Variants in RUNX2 observed in about 807,000 individuals in gnomAD.
RUNX2 encodes RUNX family transcription factor 2, also known as runt-related transcription factor 2.
A neutral mutation model predicts 51.7 loss-of-function variants in RUNX2; 10 were observed. The ratio of observed to expected loss-of-function variants is 0.19; its 90% confidence interval spans 0.12 to 0.33. The LOEUF (loss-of-function observed/expected upper bound fraction) is 0.33. Ranked by LOEUF, RUNX2 falls within the 10% of genes least tolerant of loss-of-function variation. The pLI, the probability that RUNX2 is intolerant of heterozygous loss-of-function variation, is 1.00. For synonymous variants in RUNX2, 276 were observed against 273.6 expected (o/e 1.01, Z -0.09); for missense variants, 562 against 691.3 (o/e 0.81, Z 2.10).
chr6:45,498,797 A>T (rs897187289), intron 6 of RUNX2, among the ~76,000 whole-genome samples: 19 of 152,172 alleles, frequency 1.2e-4, no homozygotes, highest in Admixed American at 7.2e-4. Context: ...CTGTCCTAGG[A>T]TTCTAGTGCT....
intron 2 of RUNX2, among the ~76,000 whole-genome samples, chr6:45,370,921 A>C (rs1306606959): frequency 3.3e-5 from 5 of 152,160 alleles, no homozygotes; most frequent in Non-Finnish European, 7.3e-5. Flanking sequence ...GAGTTTAAAA[A>C]AAAAATTTCT....
At chr6:45,433,376 A>G (rs1335894189) in intron 4 of RUNX2, among the ~76,000 whole-genome samples, 1 of 152,192 alleles carries the variant, frequency 6.6e-6, no homozygotes, top group Non-Finnish European at 1.5e-5. Context: ...TTACTTATGC[A>G]GGTCCACTAT....
chr6:45,539,854 A>G (rs1802162289), intron 7 of RUNX2, among the ~76,000 whole-genome samples: 1 of 152,238 alleles, frequency 6.6e-6, no homozygotes, highest in African/African-American at 2.4e-5. Flanking sequence ...TTAGTTGGAA[A>G]ATGAAAATTC....
chr6:45,398,783 T>G (rs1320358556), intron 2 of RUNX2, among the ~76,000 whole-genome samples: 3 of 152,248 alleles, frequency 2.0e-5, no homozygotes, highest in Non-Finnish European at 4.4e-5. Flanking sequence ...TGGCATGTGC[T>G]CTAATACAAC....
chr6:45,365,715 A>C (rs1795020315), intron 2 of RUNX2, among the ~76,000 whole-genome samples: 3 of 149,848 alleles, frequency 2.0e-5, no homozygotes, highest in East Asian at 1.9e-4. Flanking sequence ...GCCACGGAAC[A>C]ACCCTGATTT....
chr6:45,538,668 CT>C (rs35896936), intron 7 of RUNX2, among the ~76,000 whole-genome samples: 193 of 143,526 alleles, frequency 1.3e-3, no homozygotes, highest in Admixed American at 1.7e-3. Context: ...TCCTTTTTTC[CT>C]TTTTTTTTTT....
intron 6 of RUNX2, among the ~76,000 whole-genome samples, chr6:45,503,587 G>T (rs894092139): frequency 6.6e-6 from 1 of 152,176 alleles, no homozygotes; most frequent in Admixed American, 6.6e-5. Flanking sequence ...GGCATTTCAA[G>T]TTCTTGTCCC....
chr6:45,498,352 T>G (rs1431881596), intron 6 of RUNX2, among the ~76,000 whole-genome samples: 1 of 152,170 alleles, frequency 6.6e-6, no homozygotes, highest in African/African-American at 2.4e-5. Context: ...CAGTTGACTG[T>G]GAGTTCCTGA....
chr6:45,385,771 A>G (rs1033929343), intron 2 of RUNX2, among the ~76,000 whole-genome samples: 1 of 152,162 alleles, frequency 6.6e-6, no homozygotes, highest in African/African-American at 2.4e-5. Context: ...ATGGTTGTGC[A>G]TGCCTGTAAT....
In RUNX2 at chr6:45,364,749, T is replaced by C. The variant is rs201646078; in HGVS notation, c.58+35965T>C. On this transcript the variant is annotated intron_variant, in intron 2 of 8. Coordinates refer to ENST00000647337, the MANE Select transcript of RUNX2 (RefSeq NM_001024630.4). The stretch of plus-strand genomic sequence containing the variant: ...TGCTCTGAAACACAGTGATTTCAAA[T>C]ATTATCAGAACTAAAAACTAATTTA... 4.6e-5 allele frequency among the ~76,000 whole-genome samples: 7 copies of C among 152,326 alleles called. No homozygotes were observed. In the East Asian group the frequency reaches 9.6e-4, roughly 21 times the overall value.
chr6:45,328,446 A>T lies in RUNX2; in HGVS notation c.-81A>T. 2 of 1,465,242 alleles carry T rather than the reference A, an allele frequency of 1.4e-6. No individual in the cohort carries two copies. The highest frequency in any genetic ancestry group is 9.2e-7 in the Non-Finnish European group (1 of 1,085,926). 90.8% of individuals were successfully genotyped at this position (1,465,242 alleles called of 1,614,324 possible). ...CTCCGCAGGTCACTACCAGCCACCGAGACCAACAGAGTCAGTGAGTGCTCT... is the reference window on the plus strand; with the variant it reads ...CTCCGCAGGTCACTACCAGCCACCGTGACCAACAGAGTCAGTGAGTGCTCT... On this transcript the variant is annotated 5_prime_UTR_variant, in exon 1 of 9. Transcript: ENST00000647337.
rs746807573 is a variant in RUNX2 at position 45,422,714 on chromosome 6, G to A, written c.180G>A (p.Gln60=). The change falls in exon 3 of 9, where the codon CAG becomes CAA. Residue 60 remains glutamine (Q), a synonymous_variant. Transcript: ENST00000647337. ...QQQQQQQQQQ[Q]QQQQQQQQQQ... ...AGCAACAGCAGCAGCAGCAACAGCA[G>A]CAGCAGCAGCAGCAACAGCAGCAGC... 1 of 1,588,678 alleles carries A rather than the reference G, an allele frequency of 6.3e-7. No individual in the cohort carries two copies. The highest frequency in any genetic ancestry group is 2.4e-5 in the East Asian group (1 of 42,262).
At chr6:45,507,789 T>C (rs1218046446) in intron 6 of RUNX2, among the ~76,000 whole-genome samples, 1 of 152,208 alleles carries the variant, frequency 6.6e-6, no homozygotes. Flanking sequence ...AACTACACGG[T>C]ACAGGAAGCT....
chr6:45,376,805 T>C (rs1796841282), intron 2 of RUNX2, among the ~76,000 whole-genome samples: 1 of 151,868 alleles, frequency 6.6e-6, no homozygotes, highest in South Asian at 2.1e-4. Flanking sequence ...TTCCAGAGTC[T>C]GCCCTTCACA....
chr6:45,464,400 A>T (rs1168519446), intron 5 of RUNX2, among the ~76,000 whole-genome samples: 1 of 152,152 alleles, frequency 6.6e-6, no homozygotes, highest in Non-Finnish European at 1.5e-5. Flanking sequence ...TTATACCCTA[A>T]ATATAAACTT....
At chr6:45,389,208 CAT>C (rs779046284) in intron 2 of RUNX2, among the ~76,000 whole-genome samples, 7 of 152,318 alleles carry the variant, frequency 4.6e-5, no homozygotes, top group South Asian at 2.1e-4. Flanking sequence ...CAATAGAACA[CAT>C]GTTTATGACT....
intron 2 of RUNX2, among the ~76,000 whole-genome samples, chr6:45,406,364 T>G (rs902269313): frequency 6.6e-6 from 1 of 152,156 alleles, no homozygotes; most frequent in Non-Finnish European, 1.5e-5. Context: ...TTGGGCCCAT[T>G]TTTTGTAGAA....
intron 2 of RUNX2, among the ~76,000 whole-genome samples, chr6:45,366,380 C>A (rs1795137651): frequency 6.6e-6 from 1 of 152,072 alleles, no homozygotes; most frequent in Admixed American, 6.6e-5. Flanking sequence ...TAAATGGCAA[C>A]GATAATCTCA....
At chr6:45,420,200 C>T (rs1352559627) in intron 2 of RUNX2, among the ~76,000 whole-genome samples, 1 of 152,118 alleles carries the variant, frequency 6.6e-6, no homozygotes, top group Non-Finnish European at 1.5e-5. Context: ...TTCAGCGGGG[C>T]GATCCCGAGT....
Sources: allele counts gnomAD v4.1 joint callset (sites outside exome capture counted in the v4.1 genomes callset), GRCh38; gene constraint gnomAD v4.1.1; transcripts MANE v1.5; gene names NCBI Gene and HGNC (gene_info 2026-07-23, HGNC 2026-07-21).